The following CDH1 variants were observed in gnomAD, a reference collection of about 807,000 sequenced individuals.
The protein encoded by CDH1 is cadherin-1.
Under a neutral mutation model 84.5 loss-of-function variants are expected in CDH1, and 35 were observed. The ratio of observed to expected loss-of-function variants is 0.41; its 90% CI spans 0.32 to 0.55. The LOEUF (loss-of-function observed/expected upper bound fraction) is 0.55, where lower values mean the gene tolerates loss of function less well. Among genes scored for constraint, CDH1 ranks in the 20% least tolerant of loss-of-function variants. The pLI, the probability that CDH1 is intolerant of heterozygous loss-of-function variation, is 0.19. For synonymous variants in CDH1, 417 were observed against 439.0 expected (o/e 0.95, Z 0.63); for missense variants, 994 against 1,126.6 (o/e 0.88, Z 1.68).
intron 3 of CDH1, among the ~76,000 whole-genome samples, chr16:68,803,781 AT>A (rs1398918362): frequency 6.6e-6 from 1 of 152,102 alleles, no homozygotes; most frequent in Non-Finnish European, 1.5e-5. Context: ...CTGTATCATG[AT>A]TGGGTTCAAG....
intron 2 of CDH1, among the ~76,000 whole-genome samples, chr16:68,796,022 G>A (rs970598801): frequency 3.9e-5 from 6 of 151,902 alleles, no homozygotes; most frequent in Non-Finnish European, 8.8e-5. Context: ...GATTAGCCGG[G>A]CGTGGTGGCA....
chr16:68,791,540 A>G (rs1184050665), intron 2 of CDH1, among the ~76,000 whole-genome samples: 1 of 151,890 alleles, frequency 6.6e-6, no homozygotes, highest in East Asian at 1.9e-4. Flanking sequence ...CTCCTGCCTC[A>G]GCCTCCTAAA....
At chr16:68,806,122 A>ATATT (rs200148272) in intron 3 of CDH1, among the ~76,000 whole-genome samples, 22,757 of 143,688 alleles carry the variant, frequency 0.16, 1,881 homozygotes, top group Middle Eastern at 0.22. Flanking sequence ...TAATTTTTGT[A>ATATT]TATTTATTTA....
chr16:68,826,452 T>A (rs1038068107), intron 13 of CDH1: 1 of 152,152 alleles, frequency 6.6e-6, no homozygotes, highest in Non-Finnish European at 1.5e-5. Flanking sequence ...GGCCAATTTC[T>A]TGTTTCTTAA....
intron 2 of CDH1, among the ~76,000 whole-genome samples, chr16:68,792,332 C>T (rs1183116514): frequency 6.6e-6 from 1 of 151,668 alleles, no homozygotes; most frequent in Non-Finnish European, 1.5e-5. Flanking sequence ...CAGGTTCAAG[C>T]AATTCTCCTG....
intron 2 of CDH1, among the ~76,000 whole-genome samples, chr16:68,744,780 T>C (rs1045635474): frequency 2.6e-5 from 4 of 152,160 alleles, no homozygotes; most frequent in Non-Finnish European, 5.9e-5. Flanking sequence ...GGATGGTATG[T>C]CAAGCGTTCA....
intron 2 of CDH1, among the ~76,000 whole-genome samples, chr16:68,753,990 G>A (rs1227145149): frequency 6.6e-6 from 1 of 151,780 alleles, no homozygotes; most frequent in South Asian, 2.1e-4. Context: ...GTAGTGGCAG[G>A]CGCCTATAGT....
intron 2 of CDH1, among the ~76,000 whole-genome samples, chr16:68,748,728 G>T (rs971909579): frequency 2.0e-5 from 3 of 152,230 alleles, no homozygotes; most frequent in Non-Finnish European, 4.4e-5. Context: ...TGATCCATTT[G>T]CACATCAGCG....
intron 2 of CDH1, among the ~76,000 whole-genome samples, chr16:68,745,971 C>T (rs1445579123): frequency 1.3e-5 from 2 of 152,204 alleles, no homozygotes; most frequent in Admixed American, 1.3e-4. Context: ...GCATGCACCA[C>T]TACGCCTGGC....
intron 2 of CDH1, among the ~76,000 whole-genome samples, chr16:68,794,660 C>A (rs1436905494): frequency 6.6e-6 from 1 of 150,922 alleles, no homozygotes; most frequent in African/African-American, 2.4e-5. Context: ...TCTAGGACTA[C>A]AGGTGCACCA....
chr16:68,827,767 T>C, intron 13 of CDH1, among the ~76,000 whole-genome samples: 1 of 152,026 alleles, frequency 6.6e-6, no homozygotes, highest in Non-Finnish European at 1.5e-5. Flanking sequence ...CTCTTCTCCA[T>C]GTCTCTTCCC....
At chr16:68,804,634 T>C (rs917603683) in intron 3 of CDH1, among the ~76,000 whole-genome samples, 4 of 151,416 alleles carry the variant, frequency 2.6e-5, no homozygotes, top group Non-Finnish European at 5.9e-5. Flanking sequence ...AAACAAAGAG[T>C]GGATATTGGG....
At chr16:68,833,210 C>A (rs1285372892) in intron 15 of CDH1, 80 bp from the exon 16 acceptor site, 5 of 1,241,072 alleles carry the variant, frequency 4.0e-6, no homozygotes, top group Non-Finnish European at 5.9e-6. Context: ...TCGTACCTTA[C>A]ATATTGCTAG....
chr16:68,804,134 G>C (rs1960587593), intron 3 of CDH1, among the ~76,000 whole-genome samples: 1 of 62,982 alleles, frequency 1.6e-5, no homozygotes, highest in Non-Finnish European at 2.7e-5. Flanking sequence ...TTTTTTTTGA[G>C]ATGGAGTCTC....
chr16:68,772,336 T>C (rs144869873), intron 2 of CDH1, among the ~76,000 whole-genome samples: 1 of 152,200 alleles, frequency 6.6e-6, no homozygotes, highest in South Asian at 2.1e-4. Flanking sequence ...CTCTAATTTA[T>C]GGTTTGTCCC....
chr16:68,822,253 C>T, intron 12 of CDH1, 28 bp downstream of exon 12: 2 of 1,523,294 alleles, frequency 1.3e-6, no homozygotes, highest in Non-Finnish European at 1.8e-6. Context: ...ATTTTGGCAA[C>T]TTTGCTCCAA....
intron 5 of CDH1, among the ~76,000 whole-genome samples, chr16:68,809,791 G>A (rs1040753948): frequency 6.6e-6 from 1 of 152,144 alleles, no homozygotes; most frequent in Non-Finnish European, 1.5e-5. Context: ...CTCCCAAAGT[G>A]CTGAGATTAC....
At position 68,813,416 on chromosome 16, in the gene CDH1, C is replaced by G. The variant is rs755571454; in HGVS notation, c.1241C>G (p.Thr414Ser). The G allele has an allele frequency of 6.2e-7, 1 of 1,613,974 alleles. No homozygotes were observed. The highest frequency in any genetic ancestry group is 8.5e-7 in the Non-Finnish European group (1 of 1,179,998). ...ACCCCAGCGTGGGAGGCTGTATACA[C>G]CATATTGAATGATGATGGTGGACAA... ...PNTPAWEAVY[T>S]ILNDDGGQFV... The change falls in exon 9 of 16, where the codon ACC becomes AGC. Residue 414 changes from threonine to serine, a missense_variant. Transcript: ENST00000261769.
rs1962628393 is a variant in CDH1, at chr16:68,743,349, T to A, written c.163+4938T>A. ...TTTCTTTCTTTCTTTCTTTCTTTCT[T>A]TCTTTCTTTCTTTCTTTTCTTTTCT... On this transcript the variant is annotated intron_variant, in intron 2 of 15. Transcript: ENST00000261769. 1.2e-4 allele frequency among the ~76,000 whole-genome samples: 2 copies of A among 16,462 alleles called. 1 individual carries two copies. Among genetic ancestry groups the A allele is most frequent in the Non-Finnish European group, 2.9e-4 (2 of 6,862 alleles). 10.8% of individuals were successfully genotyped at this position (16,462 alleles called of 152,430 possible).
Sources: gnomAD v4.1 joint callset for allele counts (sites outside exome capture counted in the v4.1 genomes callset) on GRCh38, gnomAD v4.1.1 for gene constraint, MANE v1.5 for transcripts, NCBI Gene and HGNC (gene_info 2026-07-23, HGNC 2026-07-21) for gene names.